ZCWPW2: variants seen among roughly 807,000 people sequenced by gnomAD.
ZCWPW2 encodes the protein zinc finger CW-type PWWP domain protein 2.
A neutral mutation model predicts 46.6 loss-of-function variants in ZCWPW2; 45 were observed. That is an observed-to-expected ratio of 0.96 (90% CI 0.76 to 1.24). The LOEUF (loss-of-function observed/expected upper bound fraction) is 1.24. ZCWPW2 is among the 50% of genes most tolerant of loss of function. The probability of loss-of-function intolerance (pLI) is 0.00; values close to 1 mark genes in which losing one functional copy is unlikely to be tolerated. For synonymous variants in ZCWPW2, 152 were observed against 137.1 expected, an observed-to-expected ratio of 1.11 and a Z score of -0.76; for missense variants, 429 against 403.9, an observed-to-expected ratio of 1.06 and a Z score of -0.53.
intron 3 of ZCWPW2, 103 bp downstream of exon 3, chr3:28,413,503 T>C (rs1696492841): frequency 9.6e-7 from 1 of 1,036,404 alleles, no homozygotes; most frequent in Non-Finnish European, 1.4e-6. Context: ...TGTCTACTTG[T>C]TTCTTGATTT....
At chr3:28,380,947 T>C (rs1234226486) in intron 1 of ZCWPW2, among the ~76,000 whole-genome samples, 1 of 36,112 alleles carries the variant, frequency 2.8e-5, no homozygotes, top group Non-Finnish European at 4.8e-5. Flanking sequence ...TATATATATA[T>C]ATATATATAT....
At position 28,521,080 on chromosome 3, in the gene ZCWPW2, A is replaced by G. The variant is rs1226294536; in HGVS notation, c.873A>G (p.Glu291=). Residue 291 remains glutamate (E), a synonymous_variant, in exon 9 of 10, where the codon GAA becomes GAG. Transcript: ENST00000383768. ...LQPTATPDES[E]EGHGEEINMG... ...CCACAGCCACACCTGATGAATCAGA[A>G]GAAGGACATGGAGAGGAAATAAATA... 2.5e-6 allele frequency: 4 copies of G among 1,609,650 alleles called. No homozygotes were observed. The highest frequency in any genetic ancestry group is 3.4e-5 in the Admixed American group (2 of 58,750).
intron 1 of ZCWPW2, among the ~76,000 whole-genome samples, chr3:28,350,666 T>G (rs1040591724): frequency 6.6e-6 from 1 of 152,026 alleles, no homozygotes; most frequent in Non-Finnish European, 1.5e-5. Context: ...TTCCACCCTG[T>G]ATCTGCTTCA....
At chr3:28,399,114 A>T (rs187039322) in intron 2 of ZCWPW2, among the ~76,000 whole-genome samples, 97 of 152,238 alleles carry the variant, frequency 6.4e-4, no homozygotes, top group African/African-American at 2.3e-3. Context: ...TGGGGGTGAC[A>T]CTGGCCCTTC....
intron 1 of ZCWPW2, among the ~76,000 whole-genome samples, chr3:28,355,614 A>G (rs1198360442): frequency 2.6e-5 from 4 of 152,240 alleles, no homozygotes; most frequent in African/African-American, 9.6e-5. Context: ...GCAAGGCTAC[A>G]GTAACCAAAA....
chr3:28,374,638 T>G (rs1476829405), intron 1 of ZCWPW2, among the ~76,000 whole-genome samples: 1 of 152,116 alleles, frequency 6.6e-6, no homozygotes, highest in East Asian at 1.9e-4. Flanking sequence ...TTGTATGTTC[T>G]TTTCATCAGT....
intron 6 of ZCWPW2, among the ~76,000 whole-genome samples, chr3:28,509,265 T>G (rs1169064532): frequency 6.6e-6 from 1 of 152,198 alleles, no homozygotes; most frequent in Non-Finnish European, 1.5e-5. Context: ...CTTTGGCTAT[T>G]ATAAATAATG....
intron 9 of ZCWPW2, 87 bp downstream of exon 9, chr3:28,521,203 T>A: frequency 7.2e-7 from 1 of 1,397,326 alleles, no homozygotes; most frequent in South Asian, 1.5e-5. Context: ...ATTTTAAATA[T>A]ATAAAAAACT....
chr3:28,508,628 G>A (rs1035531092), intron 6 of ZCWPW2, among the ~76,000 whole-genome samples: 8 of 151,706 alleles, frequency 5.3e-5, no homozygotes, highest in East Asian at 3.9e-4. Flanking sequence ...AGCAATTCTC[G>A]TGCTTCAGCC....
chr3:28,480,855 ATTTTTTTTCTTTTTTTT>A (rs1699401074), intron 5 of ZCWPW2, among the ~76,000 whole-genome samples: 1 of 130,730 alleles, frequency 7.6e-6, no homozygotes. Context: ...TCCTTTCCTC[ATTTTTTTTCTTTTTTTT>A]TTTTTTTTTT....
At chr3:28,455,567 T>C (rs1170936998) in intron 4 of ZCWPW2, among the ~76,000 whole-genome samples, 2 of 152,210 alleles carry the variant, frequency 1.3e-5, no homozygotes, top group Admixed American at 1.3e-4. Flanking sequence ...CATGCCTATG[T>C]TCTGAATGGT....
At chr3:28,430,734 T>C (rs1697221057) in intron 3 of ZCWPW2, among the ~76,000 whole-genome samples, 1 of 152,150 alleles carries the variant, frequency 6.6e-6, no homozygotes, top group South Asian at 2.1e-4. Context: ...TCCCCTATGC[T>C]CTTCTCATAA....
At chr3:28,365,495 C>T (rs1178517316) in intron 1 of ZCWPW2, among the ~76,000 whole-genome samples, 1 of 140,596 alleles carries the variant, frequency 7.1e-6, no homozygotes, top group Non-Finnish European at 1.6e-5. Flanking sequence ...TGTTCTGTTC[C>T]GTTAGTCTAT....
chr3:28,372,791 A>G (rs565107362), intron 1 of ZCWPW2, among the ~76,000 whole-genome samples: 3 of 152,254 alleles, frequency 2.0e-5, no homozygotes, highest in Non-Finnish European at 4.4e-5. Context: ...CTCCGTATTT[A>G]AAGTCCCCAG....
At chr3:28,397,858 G>A (rs952505411) in intron 2 of ZCWPW2, among the ~76,000 whole-genome samples, 5 of 152,066 alleles carry the variant, frequency 3.3e-5, no homozygotes, top group African/African-American at 9.7e-5. Flanking sequence ...GACTCTACAG[G>A]CCTTGGTGTT....
At chr3:28,497,156 TATC>T (rs1700011557) in intron 6 of ZCWPW2, among the ~76,000 whole-genome samples, 1 of 150,904 alleles carries the variant, frequency 6.6e-6, no homozygotes, top group African/African-American at 2.4e-5. Flanking sequence ...TTTACTTTTT[TATC>T]ATCCATCTTT....
At chr3:28,371,164 A>T (rs1242457910) in intron 1 of ZCWPW2, among the ~76,000 whole-genome samples, 1 of 152,230 alleles carries the variant, frequency 6.6e-6, no homozygotes, top group Non-Finnish European at 1.5e-5. Context: ...TAAATCATGT[A>T]AAATATTCTA....
intron 4 of ZCWPW2, among the ~76,000 whole-genome samples, chr3:28,456,952 C>T (rs534379232): frequency 6.6e-6 from 1 of 152,078 alleles, no homozygotes; most frequent in East Asian, 1.9e-4. Context: ...TGTATCTATA[C>T]CAGGTTTTGG....
At chr3:28,515,963 A>T (rs1314815270) in intron 8 of ZCWPW2, among the ~76,000 whole-genome samples, 4 of 152,080 alleles carry the variant, frequency 2.6e-5, no homozygotes, top group Non-Finnish European at 5.9e-5. Context: ...CACACCAGCC[A>T]GGCACGGTGG....
Sources: allele counts gnomAD v4.1 joint callset (sites outside exome capture counted in the v4.1 genomes callset), GRCh38; gene constraint gnomAD v4.1.1; transcripts MANE v1.5; gene names NCBI Gene and HGNC (gene_info 2026-07-23, HGNC 2026-07-21).